The following AKAP13 variants were observed in gnomAD, a reference collection of about 807,000 sequenced individuals.
AKAP13 encodes A-kinase anchor protein 13.
In AKAP13, 80 loss-of-function variants were observed where a neutral mutation model predicts 264.5. That is an observed-to-expected ratio of 0.30 (90% CI 0.25 to 0.36). The LOEUF (loss-of-function observed/expected upper bound fraction) is 0.36. AKAP13 is among the 10% of genes least tolerant of loss of function. AKAP13 has a pLI of 1.00. For missense variants in AKAP13, 3,712 were observed against 3,435.2 expected (o/e 1.08, Z -2.01); for synonymous variants, 1,380 against 1,250.2 (o/e 1.10, Z -2.19).
At chr15:85,644,954 C>T (rs2082487155) in intron 9 of AKAP13, among the ~76,000 whole-genome samples, 1 of 152,080 alleles carries the variant, frequency 6.6e-6, no homozygotes, top group South Asian at 2.1e-4. Context: ...ATGCCAAAAC[C>T]CCATCTTTAC....
chr15:85,715,921 T>C lies in AKAP13; in HGVS notation c.5733T>C (p.Thr1911=). The C allele has an allele frequency of 6.2e-7, 1 of 1,610,768 alleles. No homozygotes were observed. The highest frequency in any genetic ancestry group is 1.3e-5 in the African/African-American group (1 of 74,506). ...AAAGTGTCTCCATACAGAACATTAC[T>C]GGGTAAGTGGAGATATTTAAAGATA... ...LSKSVSIQNI[T]GVGNDENMSN... Residue 1911 remains threonine (T), a splice_region_variant and synonymous_variant, in exon 20 of 37, where the codon ACT becomes ACC. Coordinates refer to ENST00000394518, the MANE Select transcript of AKAP13 (RefSeq NM_007200.5).
chr15:85,727,200 G>A lies in AKAP13; in HGVS notation c.6957G>A (p.Glu2319=). The A allele has an allele frequency of 6.2e-7, 1 of 1,614,166 alleles. No homozygotes were observed. Among genetic ancestry groups the A allele is most frequent in the Non-Finnish European group, 8.5e-7 (1 of 1,180,036 alleles). The change falls in exon 28 of 37, where the codon GAG becomes GAA. Residue 2319 remains glutamate (E), a synonymous_variant. Transcript: ENST00000394518. This position sits in a 1 kb window ranked among gnomAD's most constrained non-coding sequence, Gnocchi z 5.3. ...TAGAAGTCCATGCCAGCTCCAAAGA[G>A]GAACGAAACAGCTGGATTCAGATCA... ...EMVEVHASSK[E]ERNSWIQIIQ...
intron 2 of AKAP13, among the ~76,000 whole-genome samples, chr15:85,493,351 T>C (rs1156416932): frequency 6.6e-6 from 1 of 152,238 alleles, no homozygotes; most frequent in Non-Finnish European, 1.5e-5. Flanking sequence ...TTAAAATTGC[T>C]CATTTGTTTC....
At chr15:85,743,966 T>C in intron 36 of AKAP13, 141 bp downstream of exon 36, 1 of 983,008 alleles carries the variant, frequency 1.0e-6, no homozygotes. Flanking sequence ...TTTCACCAGC[T>C]CCGCTTGCTA....
At chr15:85,617,780 T>G (rs2081006636) in intron 8 of AKAP13, among the ~76,000 whole-genome samples, 1 of 152,246 alleles carries the variant, frequency 6.6e-6, no homozygotes, top group Non-Finnish European at 1.5e-5. Flanking sequence ...TCAGTTTATC[T>G]ATACATTCAA....
At chr15:85,438,813 C>T (rs1291904659) in intron 1 of AKAP13, among the ~76,000 whole-genome samples, 1 of 151,742 alleles carries the variant, frequency 6.6e-6, no homozygotes, top group Non-Finnish European at 1.5e-5. Flanking sequence ...ATACAAAAAT[C>T]AATTCAAGAT....
intron 1 of AKAP13, among the ~76,000 whole-genome samples, chr15:85,449,375 A>G (rs1004196068): frequency 2.0e-5 from 3 of 152,198 alleles, no homozygotes; most frequent in Non-Finnish European, 4.4e-5. Flanking sequence ...ATCTGCAAAT[A>G]GAGATAGTTT....
At chr15:85,643,688 C>T (rs1430108503) in intron 9 of AKAP13, among the ~76,000 whole-genome samples, 1 of 152,048 alleles carries the variant, frequency 6.6e-6, no homozygotes, top group Non-Finnish European at 1.5e-5. Flanking sequence ...GGCCACCCAA[C>T]CTATTGCTAA....
intron 17 of AKAP13, chr15:85,702,308 T>C (rs1303386130): frequency 1.3e-5 from 2 of 152,056 alleles, no homozygotes; most frequent in Non-Finnish European, 2.9e-5. Context: ...CAAAATAGTA[T>C]GTAGTCATCT....
At chr15:85,554,261 G>A (rs1410719031) in intron 5 of AKAP13, among the ~76,000 whole-genome samples, 1 of 152,046 alleles carries the variant, frequency 6.6e-6, no homozygotes, top group African/African-American at 2.4e-5. Flanking sequence ...AAAATAATAT[G>A]TACCTCATAG....
chr15:85,678,925 G>A (rs1486286422), intron 14 of AKAP13, among the ~76,000 whole-genome samples: 1 of 151,512 alleles, frequency 6.6e-6, no homozygotes, highest in Non-Finnish European at 1.5e-5. Context: ...CCGGGAAGTA[G>A]CCAGGTCAGC....
At chr15:85,444,071 G>T (rs2073813684) in intron 1 of AKAP13, among the ~76,000 whole-genome samples, 1 of 152,152 alleles carries the variant, frequency 6.6e-6, no homozygotes, top group Non-Finnish European at 1.5e-5. Context: ...AAGGCTTGGG[G>T]CTATAATGAG....
intron 1 of AKAP13, among the ~76,000 whole-genome samples, chr15:85,473,656 A>T (rs1202403711): frequency 6.6e-6 from 1 of 152,220 alleles, no homozygotes; most frequent in Non-Finnish European, 1.5e-5. Flanking sequence ...CAAAGCTCAG[A>T]ATCAACTAAA....
intron 8 of AKAP13, among the ~76,000 whole-genome samples, chr15:85,602,081 A>C (rs1298095442): frequency 6.6e-6 from 1 of 152,088 alleles, no homozygotes; most frequent in Admixed American, 6.6e-5. Context: ...AACTACCTTA[A>C]TAGTTTTCTC....
At chr15:85,601,876 T>A (rs1230373930) in intron 8 of AKAP13, among the ~76,000 whole-genome samples, 1 of 152,034 alleles carries the variant, frequency 6.6e-6, no homozygotes, top group African/African-American at 2.4e-5. Flanking sequence ...TATATTTTTA[T>A]AAAGATATTT....
intron 1 of AKAP13, among the ~76,000 whole-genome samples, chr15:85,411,726 C>T (rs900669219): frequency 6.6e-5 from 10 of 152,184 alleles, no homozygotes; most frequent in Admixed American, 5.2e-4. Flanking sequence ...CGTGAGCCAC[C>T]GCGCCCGGCC....
rs1275097812 is a variant in AKAP13 at position 85,708,097 on chromosome 15, C to T, written c.5532+11C>T. On this transcript the variant is annotated intron_variant, in intron 18 of 36. Transcript: ENST00000394518. The surrounding 1 kb of genome is among the most constrained non-coding windows in gnomAD (Gnocchi z 4.3). ...AAGGTCAAAATGAAGGTAAGACTTT[C>T]TGGCTAAAACAAGGCTTAAAATAAA... 1 of 1,613,010 alleles carries T rather than the reference C, an allele frequency of 6.2e-7. No individual in the cohort carries two copies. The highest frequency in any genetic ancestry group is 8.5e-7 in the Non-Finnish European group (1 of 1,179,434).
At chr15:85,552,142 C>T (rs1158650574) in intron 5 of AKAP13, among the ~76,000 whole-genome samples, 1 of 152,218 alleles carries the variant, frequency 6.6e-6, no homozygotes, top group East Asian at 1.9e-4. Context: ...ACAACCAATC[C>T]TATGCATTTA....
intron 3 of AKAP13, among the ~76,000 whole-genome samples, chr15:85,530,620 T>C (rs2077214492): frequency 6.6e-6 from 1 of 152,198 alleles, no homozygotes; most frequent in Admixed American, 6.5e-5. Context: ...TTTATTGACA[T>C]TTATTCATAT....
Sources: gnomAD v4.1 joint callset for allele counts (sites outside exome capture counted in the v4.1 genomes callset) on GRCh38, gnomAD v4.1.1 for gene constraint, Gnocchi (gnomAD v3.1) non-coding constraint, MANE v1.5 for transcripts, NCBI Gene and HGNC (gene_info 2026-07-23, HGNC 2026-07-21) for gene names.